The following MYO3B variants were observed in gnomAD, a reference collection of about 807,000 sequenced individuals.
MYO3B encodes the protein myosin IIIB.
Under a neutral mutation model 174.6 loss-of-function variants are expected in MYO3B, and 156 were observed. The ratio of observed to expected loss-of-function variants is 0.89; its 90% CI spans 0.78 to 1.02. MYO3B has a LOEUF of 1.02. Ranked by LOEUF, MYO3B falls within the 50% of genes least tolerant of loss-of-function variation. The pLI is 0.00. For synonymous variants in MYO3B, 563 were observed against 569.1 expected (o/e 0.99, Z 0.15); for missense variants, 1,632 against 1,639.4 (o/e 1.00, Z 0.08).
At chr2:170,581,778 A>T (rs1271172396) in intron 32 of MYO3B, among the ~76,000 whole-genome samples, 1 of 152,326 alleles carries the variant, frequency 6.6e-6, no homozygotes, top group East Asian at 1.9e-4. Context: ...CTGATTTATT[A>T]TAAAAGCTAA....
At chr2:170,623,368 C>A (rs1375238245) in intron 32 of MYO3B, among the ~76,000 whole-genome samples, 1 of 152,174 alleles carries the variant, frequency 6.6e-6, no homozygotes, top group African/African-American at 2.4e-5. Context: ...GCATAAATGT[C>A]TTCTTTTGAA....
rs753183508 is a variant in MYO3B, at chr2:170,392,454, G to A, written c.1750G>A (p.Ala584Thr). 6.3e-7 allele frequency: 1 copy of A among 1,597,772 alleles called. No homozygotes were observed. The highest frequency in any genetic ancestry group is 8.5e-7 in the Non-Finnish European group (1 of 1,169,856). Reference sequence around the variant, plus strand: ...GGAGTCTTACAGAAGACAATTCGAAGCAATTCAGCATTGCTTCAGGATTAT... The same window carrying A: ...GGAGTCTTACAGAAGACAATTCGAAACAATTCAGCATTGCTTCAGGATTAT... ...SKESYRRQFE[A>T]IQHCFRIIGF... Residue 584 changes from alanine (A) to threonine (T), a missense_variant, in exon 16 of 35, where the codon GCA becomes ACA. Physicochemically the swap from Ala to Thr is moderately conservative, Grantham distance 58. Transcript: ENST00000408978.
chr2:170,266,954 A>C (rs2093388311), intron 7 of MYO3B, among the ~76,000 whole-genome samples: 1 of 152,220 alleles, frequency 6.6e-6, no homozygotes, highest in African/African-American at 2.4e-5. Context: ...TAATTAGAAT[A>C]CATAAATAAG....
chr2:170,363,706 G>T (rs1377915385), intron 8 of MYO3B, among the ~76,000 whole-genome samples: 1 of 152,134 alleles, frequency 6.6e-6, no homozygotes, highest in Non-Finnish European at 1.5e-5. Flanking sequence ...TTAGATAGTG[G>T]ATTGATTTCC....
At chr2:170,617,081 C>T (rs112098675) in intron 32 of MYO3B, among the ~76,000 whole-genome samples, 4,438 of 152,144 alleles carry the variant, frequency 0.029, 202 homozygotes, top group African/African-American at 0.099. Flanking sequence ...ATTCCACATC[C>T]GAGTAGAATT....
intron 7 of MYO3B, among the ~76,000 whole-genome samples, chr2:170,254,818 G>A (rs776738788): frequency 6.6e-6 from 1 of 152,222 alleles, no homozygotes; most frequent in Admixed American, 6.5e-5. Flanking sequence ...TCTGGGAAGG[G>A]TGTAGCCTGT....
chr2:170,369,174 G>A (rs375016814), intron 8 of MYO3B, 48 bp from the exon 9 acceptor site: 253 of 1,572,038 alleles, frequency 1.6e-4, no homozygotes, highest in Non-Finnish European at 2.0e-4. Flanking sequence ...TAGGGGAACA[G>A]GGTGTCTAAG....
At chr2:170,304,405 A>G (rs2093685956) in intron 7 of MYO3B, among the ~76,000 whole-genome samples, 1 of 151,458 alleles carries the variant, frequency 6.6e-6, no homozygotes, top group Non-Finnish European at 1.5e-5. Context: ...CAGGCCATGT[A>G]CACTTCATCT....
At chr2:170,396,292 C>G (rs1476115032) in intron 16 of MYO3B, among the ~76,000 whole-genome samples, 1 of 152,192 alleles carries the variant, frequency 6.6e-6, no homozygotes, top group Non-Finnish European at 1.5e-5. Context: ...CCCTGGCTGT[C>G]TGTTGGGGAG....
At chr2:170,334,038 T>C (rs1433505665) in intron 7 of MYO3B, 2 of 152,210 alleles carry the variant, frequency 1.3e-5, no homozygotes, top group Non-Finnish European at 2.9e-5. Context: ...GTTTTCTATC[T>C]GTTTGCTTTG....
At chr2:170,405,784 G>C (rs777822184) in intron 21 of MYO3B, 151 bp downstream of exon 21, 2 of 712,648 alleles carry the variant, frequency 2.8e-6, no homozygotes, top group Non-Finnish European at 4.5e-6. Flanking sequence ...AAGTTTCTCA[G>C]TGGTGCCACT....
intron 23 of MYO3B, among the ~76,000 whole-genome samples, chr2:170,459,819 G>T (rs1278127920): frequency 6.6e-6 from 1 of 152,158 alleles, no homozygotes; most frequent in Non-Finnish European, 1.5e-5. Flanking sequence ...TTTGAGCGTG[G>T]TGTGGGCAGG....
intron 7 of MYO3B, among the ~76,000 whole-genome samples, chr2:170,298,878 G>C (rs1262432432): frequency 1.3e-5 from 2 of 151,898 alleles, no homozygotes; most frequent in African/African-American, 4.8e-5. Context: ...TATTTCTACT[G>C]TACCTTTTCT....
chr2:170,266,299 A>C (rs2093382851), intron 7 of MYO3B, among the ~76,000 whole-genome samples: 1 of 152,180 alleles, frequency 6.6e-6, no homozygotes, highest in South Asian at 2.1e-4. Context: ...CCATAAAACT[A>C]AACAGTTCTA....
chr2:170,519,103 C>A (rs1688496586), intron 29 of MYO3B, among the ~76,000 whole-genome samples: 1 of 152,196 alleles, frequency 6.6e-6, no homozygotes, highest in Admixed American at 6.5e-5. Context: ...CTCTGTCTAG[C>A]ACAGTGTTGT....
chr2:170,321,090 C>A (rs1295204211), intron 7 of MYO3B, among the ~76,000 whole-genome samples: 1 of 151,938 alleles, frequency 6.6e-6, no homozygotes, highest in Non-Finnish European at 1.5e-5. Context: ...CATAATGATA[C>A]CCCATCTGCT....
intron 30 of MYO3B, among the ~76,000 whole-genome samples, chr2:170,538,830 T>TTA (rs1186278669): frequency 6.6e-6 from 1 of 152,176 alleles, no homozygotes; most frequent in Non-Finnish European, 1.5e-5. Flanking sequence ...ATGTGATGAA[T>TTA]TATACAAAGA....
At chr2:170,524,030 A>C (rs1575114081) in intron 30 of MYO3B, among the ~76,000 whole-genome samples, 1 of 152,190 alleles carries the variant, frequency 6.6e-6, no homozygotes, top group Admixed American at 6.5e-5. Flanking sequence ...AGATGAAGGG[A>C]AGGCAAAATC....
intron 1 of MYO3B, among the ~76,000 whole-genome samples, chr2:170,196,408 A>G (rs1278414853): frequency 3.9e-5 from 6 of 152,132 alleles, no homozygotes; most frequent in African/African-American, 1.4e-4. Context: ...ATCTATTAAT[A>G]CTTGGGAGGC....
Sources: gnomAD v4.1 joint callset for allele counts (sites outside exome capture counted in the v4.1 genomes callset) on GRCh38, gnomAD v4.1.1 for gene constraint, MANE v1.5 for transcripts, NCBI Gene and HGNC (gene_info 2026-07-23, HGNC 2026-07-21) for gene names.